The following LRP1B variants were observed in gnomAD, a reference collection of about 807,000 sequenced individuals.
LRP1B encodes low-density lipoprotein receptor-related protein 1B.
In LRP1B, 217 loss-of-function variants were observed where a neutral mutation model predicts 556.6. That is an observed-to-expected ratio of 0.39 (90% CI 0.35 to 0.44). LRP1B has a LOEUF of 0.44. Ranked by LOEUF, LRP1B falls within the 20% of genes least tolerant of loss-of-function variation. The pLI is 1.00. For missense variants in LRP1B, 5,053 were observed against 5,620.8 expected (o/e 0.90, Z 3.23); for synonymous variants, 2,047 against 1,865.8 (o/e 1.10, Z -2.50).
chr2:140,790,684 T>C (rs1348156719), intron 32 of LRP1B, among the ~76,000 whole-genome samples: 1 of 152,154 alleles, frequency 6.6e-6, no homozygotes, highest in African/African-American at 2.4e-5. Flanking sequence ...AGGTCAGAGA[T>C]TAAGATTTCC....
chr2:140,326,593 C>G (rs919637204), intron 79 of LRP1B, among the ~76,000 whole-genome samples: 1 of 151,714 alleles, frequency 6.6e-6, no homozygotes, highest in Non-Finnish European at 1.5e-5. Context: ...CTGGCACCTG[C>G]AATTCCAGCT....
intron 3 of LRP1B, among the ~76,000 whole-genome samples, chr2:141,381,103 T>G (rs1304762812): frequency 6.6e-6 from 1 of 152,022 alleles, no homozygotes. Context: ...GAAATGAAGA[T>G]ACATGATTTG....
intron 3 of LRP1B, among the ~76,000 whole-genome samples, chr2:141,434,807 T>C (rs1680695934): frequency 6.6e-6 from 1 of 152,208 alleles, no homozygotes; most frequent in African/African-American, 2.4e-5. Flanking sequence ...GCTAAAATAA[T>C]TCTGAAAACT....
intron 7 of LRP1B, among the ~76,000 whole-genome samples, chr2:141,102,230 C>T (rs1037532685): frequency 1.3e-5 from 2 of 152,140 alleles, no homozygotes; most frequent in African/African-American, 4.8e-5. Context: ...GGATATATAT[C>T]ATTAGTTACT....
chr2:142,093,699 C>A (rs1270135703), intron 1 of LRP1B, among the ~76,000 whole-genome samples: 1 of 151,850 alleles, frequency 6.6e-6, no homozygotes, highest in African/African-American at 2.4e-5. Flanking sequence ...AAAGAGTAAA[C>A]CTGTGTGACA....
chr2:142,050,013 T>TGAG (rs536342300), intron 1 of LRP1B, among the ~76,000 whole-genome samples: 119 of 152,272 alleles, frequency 7.8e-4, no homozygotes, highest in Non-Finnish European at 1.4e-3. Flanking sequence ...ACATAGTCTG[T>TGAG]GAGGAGTAGG....
chr2:141,958,952 TG>T (rs1162754244), intron 1 of LRP1B, among the ~76,000 whole-genome samples: 4 of 152,020 alleles, frequency 2.6e-5, no homozygotes, highest in Non-Finnish European at 4.4e-5. Flanking sequence ...TCTTATTTCT[TG>T]TGCTTCCAAC....
chr2:141,553,882 T>C (rs1400978740), intron 2 of LRP1B, among the ~76,000 whole-genome samples: 2 of 112,284 alleles, frequency 1.8e-5, no homozygotes, highest in Admixed American at 9.1e-5. Context: ...ATAATATAGT[T>C]ATATAATATA....
intron 14 of LRP1B, 21 bp downstream of exon 14, chr2:141,013,534 AT>A: frequency 1.3e-6 from 2 of 1,580,772 alleles, no homozygotes; most frequent in South Asian, 1.1e-5. Flanking sequence ...TCTCAGAAGC[AT>A]TTTAATTTGT....
chr2:141,856,401 G>A (rs1698051707), intron 1 of LRP1B, among the ~76,000 whole-genome samples: 1 of 152,016 alleles, frequency 6.6e-6, no homozygotes, highest in African/African-American at 2.4e-5. Flanking sequence ...ACAGTAGGAG[G>A]CCCATTTCTT....
chr2:140,768,595 T>A (rs1689195867), intron 35 of LRP1B, among the ~76,000 whole-genome samples: 2 of 152,080 alleles, frequency 1.3e-5, no homozygotes, highest in South Asian at 4.1e-4. Flanking sequence ...AATTCAACAG[T>A]GTCTACCATT....
At chr2:141,110,734 A>T (rs78717347) in intron 7 of LRP1B, among the ~76,000 whole-genome samples, 147 of 151,896 alleles carry the variant, frequency 9.7e-4, no homozygotes, top group African/African-American at 3.5e-3. Context: ...TTCACTTTTG[A>T]TTTCCTTTCT....
intron 43 of LRP1B, among the ~76,000 whole-genome samples, chr2:140,549,009 C>A (rs1310833513): frequency 2.6e-5 from 4 of 152,066 alleles, no homozygotes; most frequent in African/African-American, 9.7e-5. Context: ...TTTCTGATTT[C>A]CCAAAACCCT....
intron 1 of LRP1B, among the ~76,000 whole-genome samples, chr2:141,872,710 A>T (rs1698628049): frequency 1.3e-5 from 2 of 151,932 alleles, no homozygotes; most frequent in South Asian, 2.1e-4. Flanking sequence ...AAAGAAAAAA[A>T]ATCTGTGCTA....
chr2:140,495,504 T>C (rs1688883396), intron 56 of LRP1B, 61 bp downstream of exon 56: 1 of 1,459,442 alleles, frequency 6.9e-7, no homozygotes, highest in South Asian at 1.3e-5. Context: ...AGAACGGCTA[T>C]AAAATTCAGG....
intron 84 of LRP1B, among the ~76,000 whole-genome samples, chr2:140,295,682 T>C (rs1683570191): frequency 6.6e-6 from 1 of 152,178 alleles, no homozygotes. Context: ...TGTCCTCTTC[T>C]GTAATGAGAC....
chr2:140,369,959 A>G (rs1167870409), intron 71 of LRP1B, among the ~76,000 whole-genome samples: 2 of 152,008 alleles, frequency 1.3e-5, no homozygotes, highest in African/African-American at 2.4e-5. Context: ...AGGTCACAAG[A>G]TATCTTGTAT....
intron 11 of LRP1B, among the ~76,000 whole-genome samples, chr2:141,024,996 A>C (rs1698177548): frequency 6.6e-6 from 1 of 152,094 alleles, no homozygotes; most frequent in Non-Finnish European, 1.5e-5. Flanking sequence ...TTGAAAAGAT[A>C]CTTCTGAAGA....
At chr2:140,461,506 C>T (rs992797076) in intron 60 of LRP1B, among the ~76,000 whole-genome samples, 1 of 152,102 alleles carries the variant, frequency 6.6e-6, no homozygotes, top group African/African-American at 2.4e-5. Context: ...TAAAATATTA[C>T]TTTATGCCCA....
Sources: gnomAD v4.1 joint callset for allele counts (sites outside exome capture counted in the v4.1 genomes callset) on GRCh38, gnomAD v4.1.1 for gene constraint, MANE v1.5 for transcripts, NCBI Gene and HGNC (gene_info 2026-07-23, HGNC 2026-07-21) for gene names.